Variants in TBXT observed in about 807,000 individuals in gnomAD.
The protein encoded by TBXT is T brachyury transcription factor.
TBXT carries 19 observed loss-of-function variants against 41.1 expected under a neutral mutation model. The ratio of observed to expected loss-of-function variants is 0.46; its 90% confidence interval spans 0.32 to 0.68. The LOEUF (loss-of-function observed/expected upper bound fraction) is 0.68, where lower values mean the gene tolerates loss of function less well. Among genes scored for constraint, TBXT ranks in the 30% least tolerant of loss-of-function variants. The pLI, the probability that TBXT is intolerant of heterozygous loss-of-function variation, is 0.03. For missense variants in TBXT, 536 were observed against 582.0 expected (o/e 0.92, Z 0.81); for synonymous variants, 213 against 238.9 (o/e 0.89, Z 1.00).
upstream of TBXT, chr6:166,168,495 C>T (rs2128524295): frequency 6.6e-6 from 1 of 152,528 alleles, no homozygotes; most frequent in Middle Eastern, 3.4e-3. Flanking sequence ...CCCACACGTC[C>T]CTCGCCCACG....
intron 1 of TBXT, among the ~76,000 whole-genome samples, 171 bp from the exon 2 acceptor site, chr6:166,167,027 G>T (rs1026467188): frequency 7.2e-5 from 11 of 152,222 alleles, no homozygotes; most frequent in Non-Finnish European, 2.9e-5. Context: ...GGTCCAGGTG[G>T]CCTCCTCACC....
chr6:166,159,541 T>C (rs1263901897), intron 7 of TBXT, among the ~76,000 whole-genome samples: 1 of 152,222 alleles, frequency 6.6e-6, no homozygotes, highest in Non-Finnish European at 1.5e-5. Flanking sequence ...ACACTTTGCC[T>C]GAGACTACTT....
At chr6:166,165,605 C>T in intron 3 of TBXT, 101 bp downstream of exon 3, 1 of 1,583,432 alleles carries the variant, frequency 6.3e-7, no homozygotes. Flanking sequence ...GCCTTCCTCT[C>T]AGTGCGGGTT....
chr6:166,158,439 G>T lies in TBXT; in HGVS notation c.1187C>A (p.Ser396Tyr). 1 of 1,614,180 alleles carries T rather than the reference G, an allele frequency of 6.2e-7. No homozygotes were observed. The highest frequency in any genetic ancestry group is 1.1e-5 in the South Asian group (1 of 91,086). ...CCCTTCGTACAGTGGGGATCCCGAG[G>T]AAGAGGGCGCCGAGACCGGATGGGT... ...PLTHPVSAPS[S>Y]SGSPLYEGAA... Residue 396 changes from serine (S) to tyrosine (Y), a missense_variant, in exon 8 of 8, where the codon TCC becomes TAC. Transcript: ENST00000366876.
rs776077161 is a variant in TBXT, at chr6:166,162,490, G to T, written c.864C>A (p.Ser288=). The change falls in exon 6 of 8, where the codon TCC becomes TCA. Residue 288 remains serine, a synonymous_variant. Coordinates refer to ENST00000366876, the MANE Select transcript of TBXT (RefSeq NM_001366285.2). ...GAGCATAGGGGCTGGGGTAGGGTGA[G>T]GACCGGTGGCTCCTCAGGGTTGGGT... ...DRYPTLRSHR[S]SPYPSPYAHR... 2 of 1,614,172 alleles carry T rather than the reference G, an allele frequency of 1.2e-6. No homozygotes were observed. Among genetic ancestry groups the T allele is most frequent in the South Asian group, 2.2e-5 (2 of 91,080 alleles).
rs375588439 is a variant in TBXT, at chr6:166,158,378, G to A, written c.1248C>T (p.Tyr416=). The stretch of plus-strand genomic sequence containing the variant: ...TGAGGCGGCCTTGGGCTGCGGCGTC[G>A]TACTGGCTGTCCACGATGTCTGTGG... ...AAATDIVDSQ[Y]DAAAQGRLIA... is the part of the protein sequence containing the mutation. Residue 416 remains tyrosine (Y), a synonymous_variant, in exon 8 of 8, where the codon TAC becomes TAT. Transcript: ENST00000366876. 94 of 1,614,114 alleles carry A rather than the reference G, an allele frequency of 5.8e-5. No individual in the cohort carries two copies. The highest frequency in any genetic ancestry group is 5.1e-4 in the East Asian group (23 of 44,890).
chr6:166,158,147 T>TG lies in TBXT; in HGVS notation c.*167dup. Reference sequence around the variant, plus strand: ...GTGTGAGCAAGGGATGCTGGGGCTCTGGGGAAAGGTGCCGTGTGCTCCTCC... The same window carrying TG: ...GTGTGAGCAAGGGATGCTGGGGCTCTGGGGGAAAGGTGCCGTGTGCTCCTCC... On this transcript the variant is annotated 3_prime_UTR_variant, in exon 8 of 8. Transcript: ENST00000366876. 2 of 1,039,814 alleles carry TG rather than the reference T, an allele frequency of 1.9e-6. No homozygotes were observed. Among genetic ancestry groups the TG allele is most frequent in the Non-Finnish European group, 2.9e-6 (2 of 697,030 alleles). The allele number at this position is 1,039,814 out of a possible 1,614,324, so 64.4% of individuals were successfully genotyped here.
At chr6:166,162,302 T>C (rs1433348791) in intron 6 of TBXT, 145 bp downstream of exon 6, 1 of 830,042 alleles carries the variant, frequency 1.2e-6, no homozygotes, top group African/African-American at 1.7e-5. Context: ...AGATCTTCTC[T>C]TGAGCTACTA....
chr6:166,165,031 A>G (rs1351669547), intron 3 of TBXT, among the ~76,000 whole-genome samples, 170 bp from the exon 4 acceptor site: 1 of 152,110 alleles, frequency 6.6e-6, no homozygotes, highest in Admixed American at 6.5e-5. Context: ...GAGTAATTGT[A>G]CAGAGTAGCA....
Position 166,166,730 on chromosome 6 carries a change from C to G in TBXT, c.333G>C (p.Pro111=), listed in dbSNP as rs778637353. The change falls in exon 2 of 8, where the codon CCG becomes CCC. Residue 111 remains proline, a synonymous_variant. Coordinates refer to ENST00000366876, the MANE Select transcript of TBXT (RefSeq NM_001366285.2). ...GCGCCTGCGGCTCCGGCTTGCCCCCCGGCACCCATTCCCCGTTCACGTACT... is the reference window on the plus strand; with the variant it reads ...GCGCCTGCGGCTCCGGCTTGCCCCCGGGCACCCATTCCCCGTTCACGTACT... ...RWKYVNGEWV[P]GGKPEPQAPS... is the part of the protein sequence containing the mutation. 5 of 1,613,826 alleles carry G rather than the reference C, an allele frequency of 3.1e-6. No homozygotes were observed. The East Asian group carries it at 8.9e-5, about 29-fold the overall frequency.
At chr6:166,162,649 A>T (rs756419114) in intron 5 of TBXT, 26 bp from the exon 6 acceptor site, 3 of 1,590,232 alleles carry the variant, frequency 1.9e-6, no homozygotes, top group Non-Finnish European at 2.6e-6. Context: ...GTGCTGAGTA[A>T]CCTGCATTAG....
chr6:166,162,397 G>A, intron 6 of TBXT, 50 bp downstream of exon 6: 1 of 1,603,332 alleles, frequency 6.2e-7, no homozygotes, highest in Non-Finnish European at 8.5e-7. Flanking sequence ...TTCCCAAAGT[G>A]GTCTTGCAGC....
At chr6:166,163,241 A>T (rs1451749211) in intron 5 of TBXT, among the ~76,000 whole-genome samples, 1 of 152,044 alleles carries the variant, frequency 6.6e-6, no homozygotes, top group East Asian at 1.9e-4. Flanking sequence ...ACCCACAGAG[A>T]CGGGAGGTGC....
intron 6 of TBXT, 129 bp from the exon 7 acceptor site, chr6:166,161,095 T>C (rs1252842558): frequency 2.4e-6 from 3 of 1,229,938 alleles, no homozygotes; most frequent in East Asian, 2.5e-5. Context: ...ATATTAACTG[T>C]AGAAAACAAT....
chr6:166,164,655 T>A lies in TBXT; in HGVS notation c.680A>T (p.Lys227Ile), dbSNP rs755308093. The stretch of plus-strand genomic sequence containing the variant: ...GTCTCCGGGTTCCTCCATCATCTCT[T>A]TGTGATCACTTCTATCAAAATGAAA... Reference protein sequence around the residue: ...FLDAKERSDHKEMMEEPGDSQ... With the variant: ...FLDAKERSDHIEMMEEPGDSQ... The change falls in exon 5 of 8, where the codon AAA (lysine) becomes ATA (isoleucine). Residue 227 changes from lysine to isoleucine, a missense_variant. Coordinates refer to ENST00000366876, the MANE Select transcript of TBXT (RefSeq NM_001366285.2). 1.2e-6 allele frequency: 2 copies of A among 1,614,098 alleles called. No homozygotes were observed. Among genetic ancestry groups the A allele is most frequent in the Non-Finnish European group, 1.7e-6 (2 of 1,180,026 alleles).
At chr6:166,168,006 C>T, upstream of TBXT, 1 of 244,700 alleles carries the variant, frequency 4.1e-6, no homozygotes, top group Non-Finnish European at 8.0e-6. Context: ...TCTGGGAGGC[C>T]GGGGGCCAAC....
At position 166,158,449 on chromosome 6, in the gene TBXT, C is replaced by A. The variant is rs138300044; in HGVS notation, c.1177G>T (p.Ala393Ser). ...HYTPLTHPVS[A>S]PSSSGSPLYE... ...AGTGGGGATCCCGAGGAAGAGGGCG[C>A]CGAGACCGGATGGGTGAGGGGTGTG... Residue 393 changes from alanine (A) to serine (S), a missense_variant, in exon 8 of 8, where the codon GCG (alanine) becomes TCG (serine). Transcript: ENST00000366876. The A allele has an allele frequency of 1.2e-6, 2 of 1,613,992 alleles. No homozygotes were observed. Among genetic ancestry groups the A allele is most frequent in the African/African-American group, 1.3e-5 (1 of 74,942 alleles).
rs1171810394 is a variant in TBXT at position 166,165,686 on chromosome 6, TC to T, written c.606+19del. 1.9e-6 allele frequency: 3 copies of T among 1,613,528 alleles called. No homozygotes were observed. Among genetic ancestry groups the T allele is most frequent in the Non-Finnish European group, 2.5e-6 (3 of 1,179,998 alleles). The stretch of plus-strand genomic sequence containing the variant: ...ACACCGCAGCACACCGGGAAAGCGA[TC>T]CGCCTCTGTCCTTCTCACCTCCTCG... On this transcript the variant is annotated intron_variant, in intron 3 of 7. Transcript: ENST00000366876.
chr6:166,167,864 T>G (rs1265253751), upstream of TBXT: 2 of 540,242 alleles, frequency 3.7e-6, no homozygotes, highest in Admixed American at 3.2e-5. Context: ...GGACCGAAAT[T>G]CAGTGCCCTC....
Sources: gnomAD v4.1 joint callset for allele counts (sites outside exome capture counted in the v4.1 genomes callset) on GRCh38, gnomAD v4.1.1 for gene constraint, MANE v1.5 for transcripts, NCBI Gene and HGNC (gene_info 2026-07-23, HGNC 2026-07-21) for gene names.